RPAP2: variants seen among roughly 807,000 people sequenced by gnomAD.
RPAP2 encodes RNA polymerase II associated protein 2.
RPAP2 carries 52 observed loss-of-function variants against 73.1 expected under a neutral mutation model. The ratio of observed to expected loss-of-function variants is 0.71; its 90% CI spans 0.57 to 0.90. The LOEUF is 0.90. RPAP2 is among the 40% of genes least tolerant of loss of function. The pLI, the probability that RPAP2 is intolerant of heterozygous loss-of-function variation, is 0.00. For missense variants in RPAP2, 598 were observed against 701.8 expected, an observed-to-expected ratio of 0.85 and a Z score of 1.67; for synonymous variants, 225 against 242.1, an observed-to-expected ratio of 0.93 and a Z score of 0.65.
chr1:92,329,070 T>C (rs981461067), intron 8 of RPAP2, among the ~76,000 whole-genome samples: 1 of 152,174 alleles, frequency 6.6e-6, no homozygotes, highest in African/African-American at 2.4e-5. Flanking sequence ...GTGAGGGTCC[T>C]TAATTGTATT....
chr1:92,395,707 A>C lies in RPAP2; in HGVS notation c.*8696A>C, dbSNP rs1330848304. On this transcript the variant is annotated 3_prime_UTR_variant, in exon 13 of 13. Transcript: ENST00000610020. ...GAGAAAATATTTTCAAACCATAATAAGTATCTGATAGAGGACTTGTATCTA... is the reference window on the plus strand; with the variant it reads ...GAGAAAATATTTTCAAACCATAATACGTATCTGATAGAGGACTTGTATCTA... The C allele has an allele frequency of 6.6e-6, 1 of 152,162 alleles. No individual in the cohort carries two copies. Among genetic ancestry groups the C allele is most frequent in the African/African-American group, 2.4e-5 (1 of 41,422 alleles). The allele number at this position is 152,162 out of a possible 1,614,324, so 9.4% of individuals were successfully genotyped here. A position where few individuals can be genotyped will look rare whatever the true frequency, so the allele number is the denominator to read the frequency against.
chr1:92,396,055 T>C lies in RPAP2; in HGVS notation c.*9044T>C, dbSNP rs1195444601. ...ACAGTTTGGCAGTTTCTTAAAAAGA[T>C]AAACATAAGTTTACCATATGATCCT... is the stretch of plus-strand genomic sequence containing the variant. On this transcript the variant is annotated 3_prime_UTR_variant, in exon 13 of 13. Coordinates refer to ENST00000610020, the MANE Select transcript of RPAP2 (RefSeq NM_024813.3). 1 of 152,202 alleles carries C rather than the reference T, an allele frequency of 6.6e-6. No individual in the cohort carries two copies. Among genetic ancestry groups the C allele is most frequent in the African/African-American group, 2.4e-5 (1 of 41,454 alleles). 9.4% of individuals were successfully genotyped at this position (152,202 alleles called of 1,614,324 possible).
chr1:92,304,188 G>T (rs1351254005), intron 4 of RPAP2, 96 bp from the exon 5 acceptor site: 7 of 1,107,926 alleles, frequency 6.3e-6, no homozygotes, highest in Non-Finnish European at 8.1e-6. Context: ...GGCATGGATT[G>T]GCCAATGATA....
intron 11 of RPAP2, among the ~76,000 whole-genome samples, chr1:92,352,466 C>A (rs1477456604): frequency 6.6e-6 from 1 of 152,044 alleles, no homozygotes; most frequent in Non-Finnish European, 1.5e-5. Context: ...TTAAAGCCTG[C>A]CTATCACTAA....
In RPAP2 at chr1:92,393,616, A is replaced by C. The variant is rs1254347746; in HGVS notation, c.*6605A>C. 1 of 152,234 alleles carries C rather than the reference A, an allele frequency of 6.6e-6. No individual in the cohort carries two copies. The highest frequency in any genetic ancestry group is 2.4e-5 in the African/African-American group (1 of 41,456). 9.4% of individuals were successfully genotyped at this position (152,234 alleles called of 1,614,324 possible). ...AATATCCAGAATCTACAAAGAACTT[A>C]AACAAATTTACAAGAAAAAAGCAAA... On this transcript the variant is annotated 3_prime_UTR_variant, in exon 13 of 13. Transcript: ENST00000610020.
Position 92,324,168 on chromosome 1 carries a change from A to G in RPAP2, c.1248A>G (p.Pro416=). Reference sequence around the variant, plus strand: ...ATGAAGATGACATAATCTCAGATCCAGATAGTCATTTCCCTGCCTGGAGGG... The same window carrying G: ...ATGAAGATGACATAATCTCAGATCCGGATAGTCATTTCCCTGCCTGGAGGG... ...ELDEDDIISD[P]DSHFPAWRES... is the part of the protein sequence containing the mutation. The change falls in exon 8 of 13, where the codon CCA becomes CCG. Residue 416 remains proline (P), a synonymous_variant. Transcript: ENST00000610020. 1.2e-6 allele frequency: 2 copies of G among 1,614,200 alleles called. No homozygotes were observed. The highest frequency in any genetic ancestry group is 1.7e-6 in the Non-Finnish European group (2 of 1,180,016).
rs969122084 is a variant in RPAP2 at position 92,389,708 on chromosome 1, A to T, written c.*2697A>T. ...TGTAGAGAAGAGCTTAAATGACCTG[A>T]TGGAGCTGAAAACCACAGTACGGGA... On this transcript the variant is annotated 3_prime_UTR_variant, in exon 13 of 13. Coordinates refer to ENST00000610020, the MANE Select transcript of RPAP2 (RefSeq NM_024813.3). The T allele has an allele frequency of 1.3e-5, 2 of 152,242 alleles. No individual in the cohort carries two copies. The highest frequency in any genetic ancestry group is 4.8e-5 in the African/African-American group (2 of 41,460). The allele number at this position is 152,242 out of a possible 1,614,324, so 9.4% of individuals were successfully genotyped here.
intron 11 of RPAP2, among the ~76,000 whole-genome samples, chr1:92,377,439 A>C (rs1557632169): frequency 6.7e-6 from 1 of 148,754 alleles, no homozygotes; most frequent in Admixed American, 6.9e-5. Context: ...AATCGCTTGA[A>C]CCTGGGAGGC....
intron 11 of RPAP2, among the ~76,000 whole-genome samples, chr1:92,347,529 A>C (rs1653968458): frequency 6.6e-6 from 1 of 152,226 alleles, no homozygotes; most frequent in Admixed American, 6.5e-5. Flanking sequence ...CATCATGAGC[A>C]CTGCTTACTG....
chr1:92,307,043 C>T, intron 5 of RPAP2, 145 bp from the exon 6 acceptor site: 1 of 605,054 alleles, frequency 1.7e-6, no homozygotes, highest in Non-Finnish European at 2.9e-6. Flanking sequence ...TTCAAAGGTT[C>T]AGTATCTTAT....
intron 11 of RPAP2, among the ~76,000 whole-genome samples, chr1:92,368,065 C>G (rs1395225137): frequency 1.3e-5 from 2 of 152,100 alleles, no homozygotes; most frequent in African/African-American, 4.8e-5. Flanking sequence ...TATGGAGTTT[C>G]CAGTGGTTCA....
At chr1:92,320,923 CTTT>C (rs1652217163) in intron 7 of RPAP2, among the ~76,000 whole-genome samples, 1 of 152,200 alleles carries the variant, frequency 6.6e-6, no homozygotes, top group Non-Finnish European at 1.5e-5. Context: ...TACCATGCTT[CTTT>C]GTCAACTAGA....
intron 6 of RPAP2, among the ~76,000 whole-genome samples, chr1:92,317,641 G>A (rs1342434556): frequency 6.6e-6 from 1 of 152,166 alleles, no homozygotes; most frequent in Non-Finnish European, 1.5e-5. Context: ...GCACAACAGT[G>A]TAAATATACT....
In RPAP2 at chr1:92,323,910, T is replaced by G. The variant is rs1484481322; in HGVS notation, c.990T>G (p.Ser330Arg). Residue 330 changes from serine to arginine, a missense_variant, in exon 8 of 13, where the codon AGT becomes AGG. Ser to Arg is a moderately radical substitution (Grantham distance 110). Coordinates refer to ENST00000610020, the MANE Select transcript of RPAP2 (RefSeq NM_024813.3). ...SRSEITLVGISKKSAEHFKRK... is the reference protein window; with the variant it reads ...SRSEITLVGIRKKSAEHFKRK... ...CAGAAATAACTCTAGTAGGCATAAG[T>G]AAGAAAAGTGCAGAGCATTTTAAGA... 2 of 1,614,004 alleles carry G rather than the reference T, an allele frequency of 1.2e-6. No homozygotes were observed. Among genetic ancestry groups the G allele is most frequent in the African/African-American group, 2.7e-5 (2 of 74,930 alleles).
chr1:92,315,663 G>C (rs1300880233), intron 6 of RPAP2, among the ~76,000 whole-genome samples: 2 of 152,100 alleles, frequency 1.3e-5, no homozygotes, highest in Non-Finnish European at 2.9e-5. Flanking sequence ...TACCTCATTG[G>C]TATAGATGTT....
Position 92,380,874 on chromosome 1 carries a change from G to T in RPAP2, c.1838+1G>T. ...TTAGAACCAGCTGTTTACCAGAGTG[G>T]TAAGTTGGATTGTGTTTTATTTTGG... On this transcript the variant is annotated splice_donor_variant, in intron 12 of 12. Transcript: ENST00000610020. LOFTEE classifies it high-confidence loss of function. 1 of 1,559,240 alleles carries T rather than the reference G, an allele frequency of 6.4e-7. No homozygotes were observed. Among genetic ancestry groups the T allele is most frequent in the Non-Finnish European group, 8.6e-7 (1 of 1,160,598 alleles).
chr1:92,373,733 T>TAAAAAAAAAAAAAAAAAAAAAAAA (rs1395822870), intron 11 of RPAP2, among the ~76,000 whole-genome samples: 1 of 40,892 alleles, frequency 2.4e-5, no homozygotes, highest in Non-Finnish European at 4.4e-5. Context: ...CCGTCTCTAC[T>TAAAAAAAAAAAAAAAAAAAAAAAA]AAAAATAAAA....
At chr1:92,364,937 A>T (rs146214854) in intron 11 of RPAP2, among the ~76,000 whole-genome samples, 1 of 152,218 alleles carries the variant, frequency 6.6e-6, no homozygotes, top group Non-Finnish European at 1.5e-5. Flanking sequence ...ATGAAATTCA[A>T]GGCCCTTCAG....
chr1:92,385,908 C>T (rs567997631), intron 12 of RPAP2, among the ~76,000 whole-genome samples: 2 of 152,284 alleles, frequency 1.3e-5, no homozygotes, highest in South Asian at 2.1e-4. Flanking sequence ...TATGATGTCA[C>T]CTGAAGGCTA....
Sources: gnomAD v4.1 joint callset for allele counts (sites outside exome capture counted in the v4.1 genomes callset) on GRCh38, gnomAD v4.1.1 for gene constraint, MANE v1.5 for transcripts, NCBI Gene and HGNC (gene_info 2026-07-23, HGNC 2026-07-21) for gene names.